Variants in CHST11 observed in about 807,000 individuals in gnomAD.
CHST11 encodes carbohydrate sulfotransferase 11, also known as C4S-1.
A neutral mutation model predicts 30.4 loss-of-function variants in CHST11; 9 were observed. The ratio of observed to expected loss-of-function variants is 0.30; its 90% CI spans 0.18 to 0.52. The LOEUF (loss-of-function observed/expected upper bound fraction) is 0.52. Among genes scored for constraint, CHST11 ranks in the 20% least tolerant of loss-of-function variants. The probability of loss-of-function intolerance (pLI) is 0.97; values close to 1 mark genes in which losing one functional copy is unlikely to be tolerated. For synonymous variants in CHST11, 152 were observed against 187.8 expected, an observed-to-expected ratio of 0.81 and a Z score of 1.56; for missense variants, 348 against 460.6, an observed-to-expected ratio of 0.76 and a Z score of 2.24.
intron 1 of CHST11, among the ~76,000 whole-genome samples, chr12:104,460,402 ACCTGGAAT>A (rs1327555844): frequency 6.6e-6 from 1 of 152,148 alleles, no homozygotes; most frequent in Non-Finnish European, 1.5e-5. Flanking sequence ...GGTGGCTCAT[ACCTGGAAT>A]CCCAGCACCT....
rs545176988 is a variant in CHST11, at chr12:104,498,404, A to G, written c.118+40875A>G. Among the ~76,000 whole-genome samples, 8 of 152,358 alleles carry G rather than the reference A, an allele frequency of 5.3e-5. No homozygotes were observed. The South Asian group carries it at 1.0e-3, about 20-fold the overall frequency. On this transcript the variant is annotated intron_variant, in intron 1 of 2. Coordinates refer to ENST00000303694, the MANE Select transcript of CHST11 (RefSeq NM_018413.6). ...TTTTATTTTAAAGGCTTTATTGCCA[A>G]TCATGACTGGGGAATAGTCAGATAG...
chr12:104,743,497 G>T (rs958283863), intron 2 of CHST11, among the ~76,000 whole-genome samples: 6 of 152,224 alleles, frequency 3.9e-5, no homozygotes, highest in Non-Finnish European at 5.9e-5. Flanking sequence ...ACCTGGGGGA[G>T]GCACCAACCC....
chr12:104,639,452 A>G (rs780037229), intron 2 of CHST11, among the ~76,000 whole-genome samples: 7 of 152,196 alleles, frequency 4.6e-5, no homozygotes, highest in Non-Finnish European at 1.0e-4. Flanking sequence ...CAGTAAGCCA[A>G]TCACTGTGAT....
chr12:104,753,164 A>G (rs1217371536), intron 2 of CHST11, among the ~76,000 whole-genome samples: 2 of 152,212 alleles, frequency 1.3e-5, no homozygotes, highest in South Asian at 2.1e-4. Context: ...CCTCGTTGAC[A>G]GAAGGCAATG....
At chr12:104,515,380 T>A (rs1374066157) in intron 1 of CHST11, among the ~76,000 whole-genome samples, 2 of 152,178 alleles carry the variant, frequency 1.3e-5, no homozygotes, top group Non-Finnish European at 2.9e-5. Context: ...GGACAGTGGT[T>A]ATTGTTCATC....
Position 104,473,558 on chromosome 12 carries a change from C to T in CHST11, c.118+16029C>T, listed in dbSNP as rs184251388. On this transcript the variant is annotated intron_variant, in intron 1 of 2. Transcript: ENST00000303694. ...AAAGTCTGCTGCTTCCTCCTGGAAGCGAGACCCAAGTTCACTGTGTGTGGG... is the reference window on the plus strand; with the variant it reads ...AAAGTCTGCTGCTTCCTCCTGGAAGTGAGACCCAAGTTCACTGTGTGTGGG... 9.0e-4 allele frequency among the ~76,000 whole-genome samples: 137 copies of T among 152,264 alleles called. 1 individual carries two copies. Among genetic ancestry groups the T allele is most frequent in the African/African-American group, 3.2e-3 (133 of 41,540 alleles).
At chr12:104,663,272 G>A (rs1009746871) in intron 2 of CHST11, among the ~76,000 whole-genome samples, 9 of 152,198 alleles carry the variant, frequency 5.9e-5, no homozygotes, top group Non-Finnish European at 8.8e-5. Flanking sequence ...TGATTTCAGT[G>A]GGTTTGTTTT....
intron 2 of CHST11, among the ~76,000 whole-genome samples, chr12:104,711,836 T>A (rs1403717644): frequency 1.3e-5 from 2 of 152,208 alleles, no homozygotes; most frequent in East Asian, 3.8e-4. Context: ...ACTTGCACTG[T>A]CTCATTCCAA....
chr12:104,579,051 G>A (rs1176750608), intron 1 of CHST11, among the ~76,000 whole-genome samples: 1 of 152,196 alleles, frequency 6.6e-6, no homozygotes, highest in African/African-American at 2.4e-5. Flanking sequence ...AAGGTGCCCA[G>A]GTACTTATCA....
intron 2 of CHST11, among the ~76,000 whole-genome samples, chr12:104,614,786 C>T (rs1219463610): frequency 6.6e-6 from 1 of 151,962 alleles, no homozygotes; most frequent in Admixed American, 6.6e-5. Context: ...TGACTCCACC[C>T]TCCCTTGCAC....
chr12:104,485,152 G>C (rs1034562782), intron 1 of CHST11, among the ~76,000 whole-genome samples: 1 of 152,142 alleles, frequency 6.6e-6, no homozygotes, highest in African/African-American at 2.4e-5. Context: ...CATGTGCTTA[G>C]AAATCACCTG....
intron 2 of CHST11, among the ~76,000 whole-genome samples, chr12:104,644,306 T>C (rs2039406217): frequency 6.6e-6 from 1 of 152,232 alleles, no homozygotes; most frequent in Non-Finnish European, 1.5e-5. Context: ...AGGTTGCCTT[T>C]TGACTCTCCA....
intron 1 of CHST11, among the ~76,000 whole-genome samples, chr12:104,492,548 T>C (rs1466272482): frequency 6.6e-6 from 1 of 152,206 alleles, no homozygotes; most frequent in Non-Finnish European, 1.5e-5. Flanking sequence ...AAAATCTTAG[T>C]AAATATTACT....
At chr12:104,590,945 A>G (rs1209909654) in intron 1 of CHST11, among the ~76,000 whole-genome samples, 1 of 151,980 alleles carries the variant, frequency 6.6e-6, no homozygotes, top group Non-Finnish European at 1.5e-5. Flanking sequence ...AATATAGCAA[A>G]GAATGGGAGG....
chr12:104,651,677 A>C (rs1257082133), intron 2 of CHST11, among the ~76,000 whole-genome samples: 1 of 152,232 alleles, frequency 6.6e-6, no homozygotes, highest in Non-Finnish European at 1.5e-5. Flanking sequence ...GAAGGTTCTA[A>C]GGAAACAAAA....
chr12:104,515,069 C>G lies in CHST11; in HGVS notation c.118+57540C>G, dbSNP rs184575190. Among the ~76,000 whole-genome samples the G allele has an allele frequency of 2.6e-3, 396 of 152,260 alleles. 5 individuals carry two copies. The highest frequency in any genetic ancestry group is 2.8e-3 in the Non-Finnish European group (189 of 68,028). On this transcript the variant is annotated intron_variant, in intron 1 of 2. Coordinates refer to ENST00000303694, the MANE Select transcript of CHST11 (RefSeq NM_018413.6). The stretch of plus-strand genomic sequence containing the variant: ...GTTCATGACTGAATCTAGCCCGTCT[C>G]CCGCTTTTGTATAGCCTGTGAGCTA...
intron 2 of CHST11, among the ~76,000 whole-genome samples, chr12:104,642,162 G>C (rs993092093): frequency 6.6e-6 from 1 of 152,100 alleles, no homozygotes; most frequent in East Asian, 1.9e-4. Context: ...GTTCACAGTA[G>C]TGAGAAATTA....
chr12:104,619,593 G>A (rs1294400788), intron 2 of CHST11, among the ~76,000 whole-genome samples: 2 of 152,022 alleles, frequency 1.3e-5, no homozygotes, highest in East Asian at 3.9e-4. Flanking sequence ...AATGATTCGG[G>A]GTCTCTTTCC....
intron 2 of CHST11, among the ~76,000 whole-genome samples, chr12:104,683,962 G>A (rs2039821779): frequency 6.6e-6 from 1 of 152,202 alleles, no homozygotes; most frequent in Non-Finnish European, 1.5e-5. Flanking sequence ...CAATTCAGTG[G>A]ATTAGAAGGG....
Sources: gnomAD v4.1 joint callset for allele counts (sites outside exome capture counted in the v4.1 genomes callset) on GRCh38, gnomAD v4.1.1 for gene constraint, MANE v1.5 for transcripts, NCBI Gene and HGNC (gene_info 2026-07-23, HGNC 2026-07-21) for gene names.